CFTR: variants seen among roughly 807,000 people sequenced by gnomAD.
CFTR encodes the protein CF transmembrane conductance regulator.
A neutral mutation model predicts 171.6 loss-of-function variants in CFTR; 181 were observed. The observed-to-expected ratio is 1.05, with a 90% confidence interval of 0.93 to 1.19. The LOEUF is 1.19. Among genes scored for constraint, CFTR ranks in the 50% most tolerant of loss-of-function variants. CFTR has a pLI of 0.00. For synonymous variants in CFTR, 583 were observed against 608.0 expected, an observed-to-expected ratio of 0.96 and a Z score of 0.60; for missense variants, 1,968 against 1,734.7, an observed-to-expected ratio of 1.13 and a Z score of -2.39.
intron 1 of CFTR, among the ~76,000 whole-genome samples, chr7:117,496,967 T>C (rs1425228356): frequency 6.6e-6 from 1 of 152,120 alleles, no homozygotes; most frequent in Non-Finnish European, 1.5e-5. Context: ...ATTTTCTTGA[T>C]GGTGTCCTTT....
intron 1 of CFTR, among the ~76,000 whole-genome samples, chr7:117,499,236 T>G (rs934737820): frequency 6.6e-6 from 1 of 152,088 alleles, no homozygotes; most frequent in Non-Finnish European, 1.5e-5. Context: ...TCTTTTGGAT[T>G]AATAAAAGGC....
Position 117,504,361 on chromosome 7 carries a change from A to T in CFTR, c.162A>T (p.Glu54Asp). ...CTGACAATCTATCTGAAAAATTGGA[A>T]AGGTATGTTCATGTACATTGTTTAG... is the stretch of plus-strand genomic sequence containing the variant. ...DSADNLSEKL[E>D]REWDRELASK... Residue 54 changes from glutamate (E) to aspartate (D), a missense_variant and splice_region_variant, in exon 2 of 27, where the codon GAA becomes GAT. Glu to Asp is a conservative substitution (Grantham distance 45). Transcript: ENST00000003084. The T allele has an allele frequency of 6.7e-7, 1 of 1,487,446 alleles. No individual in the cohort carries two copies. The highest frequency in any genetic ancestry group is 2.3e-5 in the East Asian group (1 of 44,192). 92.1% of individuals were successfully genotyped at this position (1,487,446 alleles called of 1,614,324 possible).
intron 7 of CFTR, among the ~76,000 whole-genome samples, chr7:117,538,642 T>A (rs1798996655): frequency 6.6e-6 from 1 of 152,242 alleles, no homozygotes; most frequent in Non-Finnish European, 1.5e-5. Flanking sequence ...TATAGACCTC[T>A]ACTGTGCTAT....
At chr7:117,525,019 A>G (rs1269915721) in intron 3 of CFTR, among the ~76,000 whole-genome samples, 1 of 152,228 alleles carries the variant, frequency 6.6e-6, no homozygotes, top group East Asian at 1.9e-4. Flanking sequence ...AATATACACT[A>G]TGCAGTCATT....
At chr7:117,565,496 T>G (rs1584800983) in intron 11 of CFTR, among the ~76,000 whole-genome samples, 1 of 151,980 alleles carries the variant, frequency 6.6e-6, no homozygotes, top group Non-Finnish European at 1.5e-5. Context: ...TAAATGTACC[T>G]GAGTTTGGAG....
In CFTR at chr7:117,480,089, G is replaced by T; in HGVS notation, c.-6G>T. 2.5e-6 allele frequency: 4 copies of T among 1,613,950 alleles called. No individual in the cohort carries two copies. The highest frequency in any genetic ancestry group is 3.4e-6 in the Non-Finnish European group (4 of 1,179,950). On this transcript the variant is annotated 5_prime_UTR_variant, in exon 1 of 27. Coordinates refer to ENST00000003084, the MANE Select transcript of CFTR (RefSeq NM_000492.4). Reference sequence around the variant, plus strand: ...CCCTAGCAGGGACCCCAGCGCCCGAGAGACCATGCAGAGGTCGCCTCTGGA... The same window carrying T: ...CCCTAGCAGGGACCCCAGCGCCCGATAGACCATGCAGAGGTCGCCTCTGGA...
At chr7:117,628,404 C>A (rs1792688877) in intron 22 of CFTR, among the ~76,000 whole-genome samples, 1 of 152,138 alleles carries the variant, frequency 6.6e-6, no homozygotes, top group East Asian at 1.9e-4. Flanking sequence ...CCATATACTT[C>A]AGGCTCCATA....
Position 117,490,988 on chromosome 7 carries a change from C to T in CFTR, c.53+10841C>T, listed in dbSNP as rs374393101. On this transcript the variant is annotated intron_variant, in intron 1 of 26. Coordinates refer to ENST00000003084, the MANE Select transcript of CFTR (RefSeq NM_000492.4). ...CATATGTCAGTTAACAATGGGAATG[C>T]GTTCTGGGTAATATGTCCTTAGGCA... Among the ~76,000 whole-genome samples, 136 of 152,146 alleles carry T rather than the reference C, an allele frequency of 8.9e-4. 1 individual carries two copies. The East Asian group carries it at 0.014, about 15-fold the overall frequency.
Position 117,606,741 on chromosome 7 carries a change from T to A in CFTR, c.2976T>A (p.Phe992Leu), listed in dbSNP as rs758250836. ...ILDDLLPLTI[F>L]DFIQLLLIVI... is the part of the protein sequence containing the mutation. ...ATGACCTTCTGCCTCTTACCATATT[T>A]GACTTCATCCAGGTATGTAAAAATA... is the stretch of plus-strand genomic sequence containing the variant. Residue 992 changes from phenylalanine (F) to leucine (L), a missense_variant, in exon 18 of 27, where the codon TTT becomes TTA. Transcript: ENST00000003084. 5 of 1,569,836 alleles carry A rather than the reference T, an allele frequency of 3.2e-6. No individual in the cohort carries two copies. The Middle Eastern group carries it at 5.0e-4, about 158-fold the overall frequency.
chr7:117,557,425 T>C (rs1317076636), intron 10 of CFTR, among the ~76,000 whole-genome samples: 3 of 152,114 alleles, frequency 2.0e-5, no homozygotes, highest in African/African-American at 7.2e-5. Context: ...TCATGATATT[T>C]AGGTCTTCTA....
intron 1 of CFTR, among the ~76,000 whole-genome samples, chr7:117,480,348 T>C (rs1430543627): frequency 1.3e-5 from 2 of 152,194 alleles, no homozygotes; most frequent in Admixed American, 1.3e-4. Flanking sequence ...TGAAGCTGAT[T>C]GAATAGAGAG....
intron 11 of CFTR, among the ~76,000 whole-genome samples, chr7:117,579,058 A>G (rs1430880005): frequency 6.6e-6 from 1 of 151,994 alleles, no homozygotes; most frequent in Non-Finnish European, 1.5e-5. Context: ...CTTTTTTTCT[A>G]CTTGCAATAA....
intron 6 of CFTR, 53 bp from the exon 7 acceptor site, chr7:117,536,495 T>C: frequency 6.6e-7 from 1 of 1,521,898 alleles, no homozygotes; most frequent in Non-Finnish European, 8.9e-7. Flanking sequence ...AATAGATAAT[T>C]TGACTTGTTT....
chr7:117,504,777 A>G (rs1489570064), intron 2 of CFTR, among the ~76,000 whole-genome samples: 2 of 149,480 alleles, frequency 1.3e-5, no homozygotes, highest in African/African-American at 2.5e-5. Context: ...AAAAAAAGGA[A>G]CATCTCATTT....
chr7:117,636,774 A>G (rs935611861), intron 22 of CFTR, among the ~76,000 whole-genome samples: 1 of 149,170 alleles, frequency 6.7e-6, no homozygotes, highest in Non-Finnish European at 1.5e-5. Flanking sequence ...TCTGCTTTTC[A>G]TCTGTTCTTG....
At chr7:117,650,673 T>C (rs1485391805) in intron 23 of CFTR, among the ~76,000 whole-genome samples, 1 of 152,026 alleles carries the variant, frequency 6.6e-6, no homozygotes, top group East Asian at 1.9e-4. Flanking sequence ...TTGAAAGTTA[T>C]AATGAGGCTG....
At chr7:117,644,271 T>C (rs1792964020) in intron 23 of CFTR, among the ~76,000 whole-genome samples, 1 of 152,130 alleles carries the variant, frequency 6.6e-6, no homozygotes, top group Non-Finnish European at 1.5e-5. Flanking sequence ...GTGACAAATT[T>C]TGAACATTAT....
intron 11 of CFTR, among the ~76,000 whole-genome samples, chr7:117,569,344 C>T (rs917904029): frequency 6.6e-6 from 1 of 152,048 alleles, no homozygotes; most frequent in Non-Finnish European, 1.5e-5. Context: ...ACGCAATGCT[C>T]AATAATGGTA....
At position 117,668,361 on chromosome 7, in the gene CFTR, A is replaced by G. The variant is rs1015258861; in HGVS notation, c.*1253A>G. 1 of 152,152 alleles carries G rather than the reference A, an allele frequency of 6.6e-6. No homozygotes were observed. Among genetic ancestry groups the G allele is most frequent in the African/African-American group, 2.4e-5 (1 of 41,422 alleles). The allele number at this position is 152,152 out of a possible 1,614,324, so 9.4% of individuals were successfully genotyped here. A position where few individuals can be genotyped will look rare whatever the true frequency, so the allele number is the denominator to read the frequency against. ...GACTTTTTATGGCACTAGTATTTCT[A>G]TGAAATATTATGTTAAAACTGGGAC... On this transcript the variant is annotated 3_prime_UTR_variant, in exon 27 of 27. Transcript: ENST00000003084.
Sources: allele counts gnomAD v4.1 joint callset (sites outside exome capture counted in the v4.1 genomes callset), GRCh38; gene constraint gnomAD v4.1.1; transcripts MANE v1.5; gene names NCBI Gene and HGNC (gene_info 2026-07-23, HGNC 2026-07-21).